The following ZNF160 variants were observed in gnomAD, a reference collection of about 807,000 sequenced individuals.
ZNF160 encodes zinc finger protein 160.
In ZNF160, 9 loss-of-function variants were observed where a neutral mutation model predicts 13.1. The ratio of observed to expected loss-of-function variants is 0.69; its 90% confidence interval spans 0.41 to 1.20. The LOEUF is 1.20. Among genes scored for constraint, ZNF160 ranks in the 50% most tolerant of loss-of-function variants. The pLI, the probability that ZNF160 is intolerant of heterozygous loss-of-function variation, is 0.01. For synonymous variants in ZNF160, 293 were observed against 333.2 expected, an observed-to-expected ratio of 0.88 and a Z score of 1.31; for missense variants, 838 against 988.0, an observed-to-expected ratio of 0.85 and a Z score of 2.04.
chr19:53,069,269 T>C lies in ZNF160; in HGVS notation c.1265A>G (p.Glu422Gly). Residue 422 changes from glutamate to glycine, a missense_variant, in exon 6 of 6, where the codon GAA (glutamate) becomes GGA (glycine). By Grantham distance (98) the Glu-to-Gly change is moderately conservative (BLOSUM62 -2). Around this residue, in one of 3 missense-constraint regions of ZNF160, gnomAD observed 400 missense variants for 538.9 expected, o/e 0.74. Transcript: ENST00000683776. The surrounding 1 kb of genome is among the most constrained non-coding windows in gnomAD (Gnocchi z 4.4). ...ACATTCATTACATTTGTAAGGTTTTTCTCCAGTGTGGATTGTCTGATGGAT... is the reference window on the plus strand; with the variant it reads ...ACATTCATTACATTTGTAAGGTTTTCCTCCAGTGTGGATTGTCTGATGGAT... ...LAIHQTIHTG[E>G]KPYKCNECGK... is the part of the protein sequence containing the mutation. The C allele has an allele frequency of 1.2e-6, 2 of 1,612,430 alleles. No homozygotes were observed. The highest frequency in any genetic ancestry group is 2.2e-5 in the South Asian group (2 of 91,046).
At chr19:53,071,539 CAAA>C (rs56799856) in intron 5 of ZNF160, among the ~76,000 whole-genome samples, 3 of 58,770 alleles carry the variant, frequency 5.1e-5, no homozygotes, top group South Asian at 6.3e-4. Flanking sequence ...TCCGTCTCAT[CAAA>C]AAAAAAAAAA....
rs1600825928 is a variant in ZNF160, at chr19:53,075,102, A to G, written c.97T>C (p.Tyr33His). 6.2e-7 allele frequency: 1 copy of G among 1,614,220 alleles called. No individual in the cohort carries two copies. The highest frequency in any genetic ancestry group is 8.5e-7 in the Non-Finnish European group (1 of 1,180,018). ...TAGTTCTCCAACATCACGTCCCTGT[A>G]TAAGATCCTCTGAGCAGGGTCCAGG... Reference protein sequence around the residue: ...KCLDPAQRILYRDVMLENYWN... With the variant: ...KCLDPAQRILHRDVMLENYWN... The change falls in exon 4 of 6, where the codon TAC becomes CAC. Residue 33 changes from tyrosine to histidine, a missense_variant. Transcript: ENST00000683776.
chr19:53,074,974 C>CG lies in ZNF160; in HGVS notation c.142+82_142+83insC, dbSNP rs1220502363. On this transcript the variant is annotated intron_variant, in intron 4 of 5. Coordinates refer to ENST00000683776, the MANE Select transcript of ZNF160 (RefSeq NM_001322131.2). ...GGACTTCAATCTCAGTCAAGCAATG[C>CG]AGGGGCTCTCCAGGGACTCGTAAGG... 1.0e-5 allele frequency: 16 copies of CG among 1,588,372 alleles called. No individual in the cohort carries two copies. In the Admixed American group the frequency reaches 2.7e-4, roughly 27 times the overall value.
chr19:53,068,056 T>C lies in ZNF160; in HGVS notation c.*21A>G, dbSNP rs1170086816. On this transcript the variant is annotated 3_prime_UTR_variant, in exon 6 of 6. Coordinates refer to ENST00000683776, the MANE Select transcript of ZNF160 (RefSeq NM_001322131.2). Reference sequence around the variant, plus strand: ...TAACTGATGTGAAAGGAGTGAATTGTACCTAATGACCTCACCACACTCATT... The same window carrying C: ...TAACTGATGTGAAAGGAGTGAATTGCACCTAATGACCTCACCACACTCATT... The C allele has an allele frequency of 1.9e-6, 3 of 1,572,988 alleles. No individual in the cohort carries two copies. The highest frequency in any genetic ancestry group is 2.6e-6 in the Non-Finnish European group (3 of 1,159,584).
At chr19:53,073,019 T>C (rs1395792729) in intron 5 of ZNF160, 3 of 565,120 alleles carry the variant, frequency 5.3e-6, no homozygotes, top group Non-Finnish European at 7.0e-6. Flanking sequence ...TATTCTGTTA[T>C]AGGTATACAA....
rs542492647 is a variant in ZNF160, at chr19:53,077,152, G to C, written c.16-1969C>G. 2.6e-5 allele frequency: 4 copies of C among 152,350 alleles called. 1 individual carries two copies. In the South Asian group the frequency reaches 6.2e-4, roughly 24 times the overall value. 9.4% of individuals were successfully genotyped at this position (152,350 alleles called of 1,614,324 possible). A position where few individuals can be genotyped will look rare whatever the true frequency, so the allele number is the denominator to read the frequency against. On this transcript the variant is annotated intron_variant, in intron 3 of 5. Transcript: ENST00000683776. ...TTACTAGGACACCAGCGAGGCTGCG[G>C]AACAGCCGGCAGACAACAGAGGCAT...
At chr19:53,095,338 A>G (rs985031513) in intron 1 of ZNF160, 1 of 151,050 alleles carries the variant, frequency 6.6e-6, no homozygotes, top group African/African-American at 2.4e-5. Context: ...TCCCTCCCAG[A>G]ATCCGCTTCC....
At chr19:53,090,793 AGACGCAAT>A (rs2085005890) in intron 2 of ZNF160, among the ~76,000 whole-genome samples, 1 of 152,240 alleles carries the variant, frequency 6.6e-6, no homozygotes, top group Admixed American at 6.5e-5. Flanking sequence ...GCTGCTGTGC[AGACGCAAT>A]GAAGGGCGAG....
rs1307587885 is a variant in ZNF160, at chr19:53,070,245, T to C, written c.289A>G (p.Thr97Ala). Reference protein sequence around the residue: ...GVVTDIPPKCTIKDLLPKEKS... With the variant: ...GVVTDIPPKCAIKDLLPKEKS... ...TCTTTTGGTAGCAAATCCTTGATTG[T>C]ACATTTAGGAGGGATATCTACAAGA... The change falls in exon 6 of 6, where the codon ACA (threonine) becomes GCA (alanine). Residue 97 changes from threonine to alanine, a missense_variant. This residue lies in a region of ZNF160 where 387 missense variants were observed against 402.3 expected (regional missense o/e 0.96). Transcript: ENST00000683776. 2 of 1,600,840 alleles carry C rather than the reference T, an allele frequency of 1.2e-6. No individual in the cohort carries two copies. The highest frequency in any genetic ancestry group is 1.7e-5 in the Admixed American group (1 of 57,854).
chr19:53,068,147 T>C lies in ZNF160; in HGVS notation c.2387A>G (p.Lys796Arg), dbSNP rs764811582. ...EKRYKCNECGKVFRQSSNLAS... is the reference protein window; with the variant it reads ...EKRYKCNECGRVFRQSSNLAS... ...AAGATTTGAACTCTGCCTGAAGACC[T>C]TGCCACACTCATTACATTTGTAACG... is the stretch of plus-strand genomic sequence containing the variant. The change falls in exon 6 of 6, where the codon AAG (lysine) becomes AGG (arginine). Residue 796 changes from lysine (K) to arginine (R), a missense_variant. By Grantham distance (26) the Lys-to-Arg change is conservative. Around this residue, in one of 3 missense-constraint regions of ZNF160, gnomAD observed 51 missense variants for 46.9 expected, o/e 1.09. Coordinates refer to ENST00000683776, the MANE Select transcript of ZNF160 (RefSeq NM_001322131.2). 3.8e-5 allele frequency: 61 copies of C among 1,614,036 alleles called. No homozygotes were observed. The highest frequency in any genetic ancestry group is 1.7e-4 in the Admixed American group (10 of 60,002).
chr19:53,103,050 C>T (rs1212187813), intron 1 of ZNF160, among the ~76,000 whole-genome samples: 2 of 152,144 alleles, frequency 1.3e-5, no homozygotes, highest in African/African-American at 2.4e-5. Context: ...CTGGGAGGCG[C>T]CCAGGGCAGG....
At chr19:53,102,526 T>C (rs749632674) in intron 1 of ZNF160, among the ~76,000 whole-genome samples, 2 of 152,236 alleles carry the variant, frequency 1.3e-5, no homozygotes, top group African/African-American at 2.4e-5. Flanking sequence ...AGCTTTTCTC[T>C]ACATTTCGCC....
At chr19:53,086,140 C>A in intron 3 of ZNF160, 122 bp downstream of exon 3, 1 of 1,335,536 alleles carries the variant, frequency 7.5e-7, no homozygotes. Context: ...TGAGGGAAGG[C>A]GCGGGTGAGT....
chr19:53,069,489 C>A lies in ZNF160; in HGVS notation c.1045G>T (p.Ala349Ser), dbSNP rs1379384930. The A allele has an allele frequency of 1.9e-6, 3 of 1,613,982 alleles. No individual in the cohort carries two copies. The highest frequency in any genetic ancestry group is 2.5e-6 in the Non-Finnish European group (3 of 1,180,036). ...GTTAGGTTTGAATGTCCTCTAAAGG[C>A]TTTTCCACACTCATTACACTTGTAA... ...KPYKCNECGKAFRGHSNLTTH... is the reference protein window; with the variant it reads ...KPYKCNECGKSFRGHSNLTTH... The change falls in exon 6 of 6, where the codon GCC (alanine) becomes TCC (serine). Residue 349 changes from alanine to serine, a missense_variant. Around this residue, in one of 3 missense-constraint regions of ZNF160, gnomAD observed 400 missense variants for 538.9 expected, o/e 0.74. Coordinates refer to ENST00000683776, the MANE Select transcript of ZNF160 (RefSeq NM_001322131.2). This position sits in a 1 kb window ranked among gnomAD's most constrained non-coding sequence, Gnocchi z 4.4.
chr19:53,075,504 C>T (rs905340860), intron 3 of ZNF160: 3 of 355,450 alleles, frequency 8.4e-6, no homozygotes, highest in Non-Finnish European at 1.6e-5. Context: ...GGCTGAGGCT[C>T]GGTTAGACTA....
At chr19:53,090,932 G>A (rs1237506081) in intron 2 of ZNF160, 1 of 152,264 alleles carries the variant, frequency 6.6e-6, no homozygotes, top group African/African-American at 2.4e-5. Flanking sequence ...ATGGGCTGAA[G>A]GCAGAAATAC....
intron 3 of ZNF160, among the ~76,000 whole-genome samples, chr19:53,082,614 C>T (rs2084675731): frequency 6.6e-6 from 1 of 152,192 alleles, no homozygotes; most frequent in Non-Finnish European, 1.5e-5. Context: ...AGGCTGCAGT[C>T]AGCTGTGATC....
rs866281254 is a variant in ZNF160 at position 53,096,777 on chromosome 19, C to T, written c.-353-5057G>A. ...AGACCAACCCGTCCTCTCCCTCAAT[C>T]ACCCGCCTGGGGAAGCATTAGTTTC... On this transcript the variant is annotated intron_variant, in intron 1 of 5. Transcript: ENST00000683776. Among the ~76,000 whole-genome samples the T allele has an allele frequency of 1.6e-5, 2 of 127,940 alleles. 1 individual carries two copies. Among genetic ancestry groups the T allele is most frequent in the Non-Finnish European group, 3.5e-5 (2 of 57,574 alleles). 83.9% of individuals were successfully genotyped at this position (127,940 alleles called of 152,430 possible).
At chr19:53,084,091 C>T (rs913393082) in intron 3 of ZNF160, among the ~76,000 whole-genome samples, 6 of 151,976 alleles carry the variant, frequency 3.9e-5, no homozygotes, top group African/African-American at 1.2e-4. Flanking sequence ...CAGGAGGTTA[C>T]CTCGAGAAAC....
Sources: gnomAD v4.1 joint callset for allele counts (sites outside exome capture counted in the v4.1 genomes callset) on GRCh38, gnomAD v4.1.1 for gene constraint, gnomAD v4.1.1 regional missense constraint, Gnocchi (gnomAD v3.1) non-coding constraint, MANE v1.5 for transcripts, NCBI Gene and HGNC (gene_info 2026-07-23, HGNC 2026-07-21) for gene names.